ESR2: variants seen among roughly 807,000 people sequenced by gnomAD.
The protein encoded by ESR2 is estrogen receptor beta.
A neutral mutation model predicts 49.6 loss-of-function variants in ESR2; 36 were observed. The observed-to-expected ratio is 0.73, with a 90% CI of 0.56 to 0.96. ESR2 has a LOEUF of 0.96. Among genes scored for constraint, ESR2 ranks in the 40% least tolerant of loss-of-function variants. ESR2 has a pLI of 0.00. For missense variants in ESR2, 714 were observed against 693.0 expected, an observed-to-expected ratio of 1.03 and a Z score of -0.34; for synonymous variants, 320 against 266.1, an observed-to-expected ratio of 1.20 and a Z score of -1.97.
intron 1 of ESR2, among the ~76,000 whole-genome samples, chr14:64,305,307 AATT>A (rs2077077419): frequency 6.6e-6 from 1 of 151,160 alleles, no homozygotes; most frequent in Non-Finnish European, 1.5e-5. Context: ...AAAAAAAAAA[AATT>A]AATTAATAGG....
At chr14:64,272,479 A>C (rs118018128) in intron 3 of ESR2, among the ~76,000 whole-genome samples, 1 of 152,280 alleles carries the variant, frequency 6.6e-6, no homozygotes, top group Non-Finnish European at 1.5e-5. Flanking sequence ...GCCCCACCCA[A>C]TGTCCTGGAG....
At chr14:64,294,834 G>A (rs541275518), upstream of ESR2, among the ~76,000 whole-genome samples, 3 of 152,358 alleles carry the variant, frequency 2.0e-5, no homozygotes, top group Admixed American at 6.5e-5. Flanking sequence ...CAAAGCCGTG[G>A]ACTAGAGGTG....
At chr14:64,270,117 T>C (rs2140768544) in intron 3 of ESR2, among the ~76,000 whole-genome samples, 1 of 152,308 alleles carries the variant, frequency 6.6e-6, no homozygotes, top group East Asian at 1.9e-4. Flanking sequence ...ACATCTTACA[T>C]TAAGCCTATA....
At chr14:64,237,458 CAT>C (rs2075628246) in intron 7 of ESR2, among the ~76,000 whole-genome samples, 1 of 152,234 alleles carries the variant, frequency 6.6e-6, no homozygotes, top group Non-Finnish European at 1.5e-5. Context: ...AGCTGCATGA[CAT>C]GTGCTCCATG....
chr14:64,295,869 C>T (rs1225076280), upstream of ESR2, among the ~76,000 whole-genome samples: 1 of 151,960 alleles, frequency 6.6e-6, no homozygotes, highest in African/African-American at 2.4e-5. Context: ...CATGGTGAAA[C>T]CTCGTCTCTA....
intron 3 of ESR2, among the ~76,000 whole-genome samples, chr14:64,277,061 T>G (rs2140797621): frequency 6.6e-6 from 1 of 152,264 alleles, no homozygotes; most frequent in South Asian, 2.1e-4. Context: ...GCTCAAAAAA[T>G]AAGCCATGCT....
At chr14:64,242,441 AAAC>A (rs1596376459) in intron 7 of ESR2, among the ~76,000 whole-genome samples, 9 of 88,412 alleles carry the variant, frequency 1.0e-4, no homozygotes, top group South Asian at 8.4e-4. Flanking sequence ...ACAAACAAAC[AAAC>A]AAAAAAAATA....
chr14:64,245,780 GC>G (rs2075842384), intron 7 of ESR2, among the ~76,000 whole-genome samples: 1 of 152,132 alleles, frequency 6.6e-6, no homozygotes, highest in Non-Finnish European at 1.5e-5. Context: ...CAAACAGAAG[GC>G]TTTATACTGT....
At chr14:64,244,735 G>A (rs1026308626) in intron 7 of ESR2, among the ~76,000 whole-genome samples, 7 of 152,224 alleles carry the variant, frequency 4.6e-5, no homozygotes, top group Admixed American at 4.6e-4. Context: ...TCACTAGCAT[G>A]CAGACGCATA....
chr14:64,309,657 T>A, intron 1 of ESR2, among the ~76,000 whole-genome samples: 1 of 147,006 alleles, frequency 6.8e-6, no homozygotes, highest in East Asian at 2.0e-4. Flanking sequence ...CAGAGGGAGA[T>A]GTAACATCTC....
At chr14:64,316,374 A>ACCT (rs1434492944) in intron 1 of ESR2, among the ~76,000 whole-genome samples, 1 of 152,158 alleles carries the variant, frequency 6.6e-6, no homozygotes, top group Non-Finnish European at 1.5e-5. Context: ...CTCACTGGAG[A>ACCT]ATTCTATCAA....
chr14:64,260,176 G>A, intron 5 of ESR2: 1 of 691,540 alleles, frequency 1.4e-6, no homozygotes, highest in East Asian at 2.9e-5. Context: ...AATAGAAATG[G>A]CTGGGCCACG....
At chr14:64,318,537 C>CAAAAAAAAAAAAAAAAAAAA (rs58597271) in intron 1 of ESR2, among the ~76,000 whole-genome samples, 3 of 32,426 alleles carry the variant, frequency 9.3e-5, no homozygotes, top group African/African-American at 2.1e-4. Flanking sequence ...AACTCCATCT[C>CAAAAAAAAAAAAAAAAAAAA]AAAAAAAAAA....
intron 1 of ESR2, among the ~76,000 whole-genome samples, chr14:64,291,966 A>T (rs1173418834): frequency 6.6e-6 from 1 of 152,200 alleles, no homozygotes; most frequent in African/African-American, 2.4e-5. Flanking sequence ...TTAATATGAT[A>T]TAAATAACTT....
At chr14:64,295,510 C>T (rs1029823918), upstream of ESR2, among the ~76,000 whole-genome samples, 6 of 152,180 alleles carry the variant, frequency 3.9e-5, no homozygotes, top group East Asian at 1.2e-3. Flanking sequence ...ACCCTAAGTC[C>T]AATTTTCATT....
intron 1 of ESR2, among the ~76,000 whole-genome samples, chr14:64,291,717 A>G (rs949292903): frequency 1.3e-5 from 2 of 152,122 alleles, no homozygotes; most frequent in Admixed American, 1.3e-4. Context: ...TGACATCTAC[A>G]AATAAGTTGG....
chr14:64,276,980 C>A (rs2076569383), intron 3 of ESR2, among the ~76,000 whole-genome samples: 1 of 152,112 alleles, frequency 6.6e-6, no homozygotes, highest in Admixed American at 6.5e-5. Context: ...ATCCGTAGAG[C>A]CTGGTACAAT....
rs58684342 is a variant in ESR2 at position 64,233,364 on chromosome 14, C to T, written c.1407-41G>A. The T allele has an allele frequency of 2.0e-5, 31 of 1,583,052 alleles. No homozygotes were observed. In the African/African-American group the frequency reaches 3.9e-4, roughly 20 times the overall value. ...GGTGCTGAGATTCCCTCCTCCGAGG[C>T]AGCCACAGGAACCCCGAAGCCTTCC... On this transcript the variant is annotated intron_variant, in intron 8 of 8. Coordinates refer to ENST00000341099, the MANE Select transcript of ESR2 (RefSeq NM_001437.3).
Position 64,257,341 on chromosome 14 carries a change from C to G in ESR2, c.976G>C (p.Asp326His). The change falls in exon 6 of 9, where the codon GAC becomes CAC. Residue 326 changes from aspartate to histidine, a missense_variant. Physicochemically the swap from Asp to His is moderately conservative, Grantham distance 81 (BLOSUM62 -1). Transcript: ENST00000341099. ...CAGCTCTCCAAGAGCCGCACTTGGT[C>G]GAACAGGCTGAGCTCCACAAAGCCT... ...IPGFVELSLF[D>H]QVRLLESCWM... 6.2e-7 allele frequency: 1 copy of G among 1,613,186 alleles called. No homozygotes were observed. Among genetic ancestry groups the G allele is most frequent in the Non-Finnish European group, 8.5e-7 (1 of 1,180,026 alleles).
Sources: gnomAD v4.1 joint callset for allele counts (sites outside exome capture counted in the v4.1 genomes callset) on GRCh38, gnomAD v4.1.1 for gene constraint, MANE v1.5 for transcripts, NCBI Gene and HGNC (gene_info 2026-07-23, HGNC 2026-07-21) for gene names.